The following LMNTD2 variants were observed in gnomAD, a reference collection of about 807,000 sequenced individuals.
LMNTD2 encodes the protein lamin tail domain-containing protein 2.
LMNTD2 carries 83 observed loss-of-function variants against 70.1 expected under a neutral mutation model. The observed-to-expected ratio is 1.18, with a 90% CI of 0.99 to 1.42. The LOEUF is 1.42. LMNTD2 is among the 40% of genes most tolerant of loss of function. The pLI, the probability that LMNTD2 is intolerant of heterozygous loss-of-function variation, is 0.00. For missense variants in LMNTD2, 1,153 were observed against 905.9 expected, an observed-to-expected ratio of 1.27 and a Z score of -3.50; for synonymous variants, 534 against 406.1, an observed-to-expected ratio of 1.31 and a Z score of -3.79.
chr11:555,668 G>A lies in LMNTD2; in HGVS notation c.1574+66C>T. ...GGTCCGTCCTAGCGAGGGGATACGA[G>A]GGACCGTTTCTGCTGGGTCGGGGCC... is the stretch of plus-strand genomic sequence containing the variant. On this transcript the variant is annotated intron_variant, in intron 12 of 13. Coordinates refer to ENST00000329451, the MANE Select transcript of LMNTD2 (RefSeq NM_173573.3). The A allele has an allele frequency of 3.7e-6, 5 of 1,338,198 alleles. No individual in the cohort carries two copies. In the East Asian group the frequency reaches 1.2e-4, roughly 33 times the overall value. 82.9% of individuals were successfully genotyped at this position (1,338,198 alleles called of 1,614,324 possible).
chr11:559,721 C>T, intron 1 of LMNTD2: 4 of 1,125,474 alleles, frequency 3.6e-6, no homozygotes, highest in Non-Finnish European at 4.4e-6. Flanking sequence ...TGAACGCTAA[C>T]TGGCAATAGT....
intron 1 of LMNTD2, chr11:559,659 A>C: frequency 8.5e-7 from 1 of 1,175,878 alleles, no homozygotes; most frequent in Non-Finnish European, 1.1e-6. Context: ...CAGCATAGCC[A>C]TGGGTGTGTG....
At chr11:560,097 C>A in intron 1 of LMNTD2, 1 of 168,068 alleles carries the variant, frequency 5.9e-6, no homozygotes, top group Non-Finnish European at 1.2e-5. Flanking sequence ...CATTAAAACC[C>A]AATCATTCCA....
rs528138936 is a variant in LMNTD2, at chr11:555,220, G to A, written c.1773+85C>T. 4.8e-5 allele frequency: 34 copies of A among 710,980 alleles called. 1 individual carries two copies. Among genetic ancestry groups the A allele is most frequent in the African/African-American group, 1.1e-4 (2 of 17,470 alleles). The allele number at this position is 710,980 out of a possible 1,614,324, so 44.0% of individuals were successfully genotyped here. On this transcript the variant is annotated intron_variant, in intron 13 of 13. Transcript: ENST00000329451. ...AGGAGAGCGGAGGGGAGGGGACGAG[G>A]AGACAGAGGGGAGGGAGGGGCGGGA...
At chr11:557,209 G>A (rs1301451314) in intron 7 of LMNTD2, 112 bp from the exon 8 acceptor site, 10 of 1,448,202 alleles carry the variant, frequency 6.9e-6, no homozygotes, top group Non-Finnish European at 8.3e-6. Context: ...CCAGTACCCA[G>A]GCTCAGTTCA....
rs906960960 is a variant in LMNTD2, at chr11:556,550, C to G, written c.1015G>C (p.Val339Leu). ...TCTGTGCAGGGCTGGGGCGACAGGA[C>G]CGGCTCGCCGTGCCTGGGTGAGTGG... ...KTHSPRHGEP[V>L]LSPQPCTDPD... Residue 339 changes from valine to leucine, a missense_variant, in exon 9 of 14, where the codon GTC (valine) becomes CTC (leucine). Coordinates refer to ENST00000329451, the MANE Select transcript of LMNTD2 (RefSeq NM_173573.3). 1.3e-6 allele frequency: 2 copies of G among 1,554,740 alleles called. No individual in the cohort carries two copies. Among genetic ancestry groups the G allele is most frequent in the African/African-American group, 1.4e-5 (1 of 73,076 alleles).
chr11:559,715 C>T (rs933816570), intron 1 of LMNTD2: 19 of 1,132,362 alleles, frequency 1.7e-5, no homozygotes, highest in African/African-American at 8.1e-5. Context: ...CTGTGCTGAA[C>T]GCTAACTGGC....
chr11:559,190 C>G, intron 1 of LMNTD2: 2 of 1,474,188 alleles, frequency 1.4e-6, no homozygotes, highest in Non-Finnish European at 1.8e-6. Context: ...GGTGTCCACA[C>G]CCGTGTGTTT....
Position 555,839 on chromosome 11 carries a change from A to G in LMNTD2, c.1469T>C (p.Leu490Pro). Residue 490 changes from leucine (L) to proline (P), a missense_variant, in exon 12 of 14, where the codon CTC becomes CCC. Leu to Pro is a moderately conservative substitution (Grantham distance 98, BLOSUM62 -3). Coordinates refer to ENST00000329451, the MANE Select transcript of LMNTD2 (RefSeq NM_173573.3). ...GTCGGCGCCGGGCCCGGCCTCAGGGAGCGGGAAGCGGTCGATGGACAAGTC... is the reference window on the plus strand; with the variant it reads ...GTCGGCGCCGGGCCCGGCCTCAGGGGGCGGGAAGCGGTCGATGGACAAGTC... ...GTDLSIDRFP[L>P]PEAGPGADTR... The G allele has an allele frequency of 6.4e-7, 1 of 1,550,822 alleles. No homozygotes were observed. The highest frequency in any genetic ancestry group is 8.6e-7 in the Non-Finnish European group (1 of 1,156,340).
chr11:559,838 T>C (rs1180996742), intron 1 of LMNTD2: 1 of 855,932 alleles, frequency 1.2e-6, no homozygotes, highest in Non-Finnish European at 1.4e-6. Context: ...CAGCGCACGT[T>C]AACCTCGAAT....
Position 560,682 on chromosome 11 carries a change from C to T in LMNTD2, c.34+1G>A. 1 of 1,439,754 alleles carries T rather than the reference C, an allele frequency of 6.9e-7. No individual in the cohort carries two copies. Among genetic ancestry groups the T allele is most frequent in the Non-Finnish European group, 9.2e-7 (1 of 1,087,450 alleles). The allele number at this position is 1,439,754 out of a possible 1,614,324, so 89.2% of individuals were successfully genotyped here. On this transcript the variant is annotated splice_donor_variant, in intron 1 of 13. Coordinates refer to ENST00000329451, the MANE Select transcript of LMNTD2 (RefSeq NM_173573.3). LOFTEE classifies it high-confidence loss of function. ...GCCCAGGAGCGGGGCCAGACACCTA[C>T]CCCGACGCCTGCCCGCGGGCCGCAG...
At chr11:557,837 G>C in intron 5 of LMNTD2, 47 bp downstream of exon 5, 1 of 1,522,340 alleles carries the variant, frequency 6.6e-7, no homozygotes. Flanking sequence ...GATGGGGAGG[G>C]CTGGGGAGGG....
Position 559,880 on chromosome 11 carries a change from C to T in LMNTD2, c.34+803G>A, listed in dbSNP as rs1342393142. 4 of 582,904 alleles carry T rather than the reference C, an allele frequency of 6.9e-6. No homozygotes were observed. In the East Asian group the frequency reaches 4.8e-4, roughly 71 times the overall value. 36.1% of individuals were successfully genotyped at this position (582,904 alleles called of 1,614,324 possible). On this transcript the variant is annotated intron_variant, in intron 1 of 13. Transcript: ENST00000329451. ...GCTCAGGTGATCCTCCCACTTCCGCCTCCTGACTTGCTGAAACTACAGGCA... is the reference window on the plus strand; with the variant it reads ...GCTCAGGTGATCCTCCCACTTCCGCTTCCTGACTTGCTGAAACTACAGGCA...
chr11:556,723 T>G, intron 8 of LMNTD2, 112 bp downstream of exon 8: 1 of 1,424,996 alleles, frequency 7.0e-7, no homozygotes, highest in Non-Finnish European at 9.2e-7. Flanking sequence ...GCAGGAAAGG[T>G]GGCTGGACCT....
intron 1 of LMNTD2, chr11:560,301 C>T: frequency 9.5e-7 from 1 of 1,056,776 alleles, no homozygotes; most frequent in Non-Finnish European, 1.1e-6. Flanking sequence ...GAGCGGCTTC[C>T]AGCCAGCTTC....
rs769534076 is a variant in LMNTD2 at position 556,056 on chromosome 11, C to T, written c.1317G>A (p.Glu439=). The change falls in exon 11 of 14, where the codon GAG becomes GAA. Residue 439 remains glutamate, a synonymous_variant. Transcript: ENST00000329451. ...CGCGGATGGAGAGGAGGGGAACGGG[C>T]TCCCGGCTCGAGGACGCGCGCAGCG... ...KKPLRASSSR[E]PVPLLSIRGC... 12 of 1,550,340 alleles carry T rather than the reference C, an allele frequency of 7.7e-6. No individual in the cohort carries two copies. Among genetic ancestry groups the T allele is most frequent in the Non-Finnish European group, 1.0e-5 (12 of 1,158,966 alleles).
chr11:555,250 AGAG>A (rs1852764523), intron 13 of LMNTD2, 52 bp downstream of exon 13: 5 of 1,146,694 alleles, frequency 4.4e-6, no homozygotes, highest in Admixed American at 5.6e-5. Flanking sequence ...GCGGGAGAGG[AGAG>A]GAGGAGAACG....
rs1852892275 is a variant in LMNTD2 at position 556,590 on chromosome 11, TAG to T, written c.977-4_977-3del. On this transcript the variant is annotated splice_polypyrimidine_tract_variant and splice_region_variant and intron_variant, in intron 8 of 13. Transcript: ENST00000329451. ...TGGGTGAGTGGGTTTTCTGGAGATC[TAG>T]AGAGAGCAGCGCTTTTGGGGAGGGG... 6.6e-7 allele frequency: 1 copy of T among 1,525,808 alleles called. No individual in the cohort carries two copies. The highest frequency in any genetic ancestry group is 1.4e-5 in the African/African-American group (1 of 72,032). 94.5% of individuals were successfully genotyped at this position (1,525,808 alleles called of 1,614,324 possible).
chr11:559,540 G>C, intron 1 of LMNTD2: 2 of 1,229,670 alleles, frequency 1.6e-6, no homozygotes, highest in South Asian at 1.4e-5. Flanking sequence ...TCAGCTTAGC[G>C]GGGGGACCAC....
Sources: allele counts gnomAD v4.1 joint callset, GRCh38; gene constraint gnomAD v4.1.1; transcripts MANE v1.5; gene names NCBI Gene and HGNC (gene_info 2026-07-23, HGNC 2026-07-21).